Variants in MAGI1 observed in about 807,000 individuals in gnomAD.
The protein encoded by MAGI1 is membrane associated guanylate kinase, WW and PDZ domain containing 1.
MAGI1 carries 58 observed loss-of-function variants against 139.9 expected under a neutral mutation model. That is an observed-to-expected ratio of 0.41 (90% CI 0.34 to 0.52). The LOEUF (loss-of-function observed/expected upper bound fraction) is 0.52. MAGI1 is among the 20% of genes least tolerant of loss of function. The pLI is 0.12. For missense variants in MAGI1, 1,874 were observed against 1,901.6 expected (o/e 0.99, Z 0.27); for synonymous variants, 812 against 737.9 (o/e 1.10, Z -1.63).
intron 1 of MAGI1, among the ~76,000 whole-genome samples, chr3:65,634,581 T>C (rs955044180): frequency 2.0e-5 from 3 of 152,200 alleles, no homozygotes; most frequent in African/African-American, 7.2e-5. Flanking sequence ...GGGATAATAA[T>C]AGTATCTGCT....
intron 4 of MAGI1, among the ~76,000 whole-genome samples, chr3:65,470,766 AAAG>A (rs1559584435): frequency 1.3e-5 from 2 of 152,298 alleles, no homozygotes; most frequent in East Asian, 3.9e-4. Flanking sequence ...TGGAAATGTC[AAAG>A]AAGAAACCAA....
chr3:65,740,556 C>T (rs2035174244), intron 1 of MAGI1, among the ~76,000 whole-genome samples: 1 of 152,186 alleles, frequency 6.6e-6, no homozygotes. Flanking sequence ...TGTAGGGCCA[C>T]ACATTATTTT....
chr3:65,721,692 T>C (rs976234173), intron 1 of MAGI1, among the ~76,000 whole-genome samples: 5 of 152,166 alleles, frequency 3.3e-5, no homozygotes, highest in African/African-American at 9.7e-5. Flanking sequence ...GAAAAACATA[T>C]TAATGTACTC....
chr3:65,514,079 T>C (rs1001278887), intron 2 of MAGI1, among the ~76,000 whole-genome samples: 6 of 146,188 alleles, frequency 4.1e-5, no homozygotes, highest in African/African-American at 1.5e-4. Context: ...ATTTAATAAA[T>C]GGTGCTGGGA....
In MAGI1 at chr3:65,463,549, T is replaced by C. The variant is rs567402724; in HGVS notation, c.959+6734A>G. ...TCACATCGATGTTCATCAGGGATAT[T>C]GGCCTGAAATGTGTGTGTGTGTGTG... On this transcript the variant is annotated intron_variant, in intron 5 of 22. Transcript: ENST00000402939. Among the ~76,000 whole-genome samples the C allele has an allele frequency of 7.0e-5, 10 of 142,036 alleles. No homozygotes were observed. In the East Asian group the frequency reaches 1.9e-3, roughly 28 times the overall value. The allele number at this position is 142,036 out of a possible 152,430, so 93.2% of individuals were successfully genotyped here.
chr3:65,767,815 G>C (rs2037612722), intron 1 of MAGI1, among the ~76,000 whole-genome samples: 1 of 152,186 alleles, frequency 6.6e-6, no homozygotes, highest in Non-Finnish European at 1.5e-5. Context: ...TGGCATGAAA[G>C]GGAAATCACC....
intron 2 of MAGI1, among the ~76,000 whole-genome samples, chr3:65,535,710 G>A (rs1019840181): frequency 1.3e-5 from 2 of 152,060 alleles, no homozygotes; most frequent in African/African-American, 4.8e-5. Flanking sequence ...AACTACAAGG[G>A]GATGATTCAA....
At chr3:65,988,505 T>C (rs927359952) in intron 1 of MAGI1, among the ~76,000 whole-genome samples, 6 of 152,130 alleles carry the variant, frequency 3.9e-5, no homozygotes, top group African/African-American at 1.4e-4. Context: ...TCCAGGAATC[T>C]ACCTACAAAT....
At chr3:65,399,360 A>C (rs1221400799) in intron 13 of MAGI1, among the ~76,000 whole-genome samples, 1 of 152,222 alleles carries the variant, frequency 6.6e-6, no homozygotes, top group Admixed American at 6.5e-5. Flanking sequence ...GGAAAGGGAA[A>C]CCACTTTCAA....
intron 2 of MAGI1, among the ~76,000 whole-genome samples, chr3:65,593,036 T>C (rs1364154939): frequency 6.6e-6 from 1 of 152,136 alleles, no homozygotes; most frequent in African/African-American, 2.4e-5. Flanking sequence ...TAAGTTATTC[T>C]CAATATAAGG....
chr3:65,512,969 G>T (rs1395951989), intron 2 of MAGI1, among the ~76,000 whole-genome samples: 1 of 133,008 alleles, frequency 7.5e-6, no homozygotes, highest in African/African-American at 2.8e-5. Flanking sequence ...TGATCAAGTG[G>T]GCTTCATCCC....
chr3:65,656,380 G>C (rs2107347861), intron 1 of MAGI1, among the ~76,000 whole-genome samples: 1 of 152,288 alleles, frequency 6.6e-6, no homozygotes, highest in East Asian at 1.9e-4. Flanking sequence ...ATGAGGTGAA[G>C]TCTGGTGTCC....
chr3:65,696,248 A>G (rs2089176523), intron 1 of MAGI1, among the ~76,000 whole-genome samples: 1 of 152,158 alleles, frequency 6.6e-6, no homozygotes, highest in African/African-American at 2.4e-5. Flanking sequence ...CACCCTATGT[A>G]AAGAAACCCT....
chr3:65,719,017 C>CA (rs57290579), intron 1 of MAGI1, among the ~76,000 whole-genome samples: 3,553 of 96,272 alleles, frequency 0.037, 83 homozygotes, highest in African/African-American at 0.072. Flanking sequence ...ATAACCCTAC[C>CA]AAAAAAAAAA....
At chr3:65,423,684 T>G (rs766408197) in intron 12 of MAGI1, among the ~76,000 whole-genome samples, 1 of 152,200 alleles carries the variant, frequency 6.6e-6, no homozygotes, top group Non-Finnish European at 1.5e-5. Flanking sequence ...GTTCCAATCC[T>G]AGCTTTGCCA....
At position 65,430,141 on chromosome 3, in the gene MAGI1, C is replaced by A. The variant is rs774226235; in HGVS notation, c.1547-1G>T. On this transcript the variant is annotated splice_acceptor_variant, in intron 11 of 22. Transcript: ENST00000402939. LOFTEE classifies it high-confidence loss of function. ...TCATTCACACTTACAATCACATCCCCTGTAGAAGGCAAGAGTGTGGGGGTT... is the reference window on the plus strand; with the variant it reads ...TCATTCACACTTACAATCACATCCCATGTAGAAGGCAAGAGTGTGGGGGTT... 6.2e-7 allele frequency: 1 copy of A among 1,610,550 alleles called. No individual in the cohort carries two copies. Among genetic ancestry groups the A allele is most frequent in the South Asian group, 1.1e-5 (1 of 91,036 alleles).
At chr3:65,555,469 G>T (rs1307797048) in intron 2 of MAGI1, among the ~76,000 whole-genome samples, 1 of 152,150 alleles carries the variant, frequency 6.6e-6, no homozygotes, top group African/African-American at 2.4e-5. Context: ...GGGGAGGTGA[G>T]CTCCTATGTC....
intron 2 of MAGI1, among the ~76,000 whole-genome samples, chr3:65,608,946 G>T (rs138768696): frequency 0.014 from 2,092 of 152,260 alleles, 15 homozygotes; most frequent in Non-Finnish European, 0.023. Context: ...AAACTACATG[G>T]ATGAATCTCA....
intron 12 of MAGI1, among the ~76,000 whole-genome samples, chr3:65,408,473 T>C (rs186413252): frequency 7.9e-5 from 12 of 152,188 alleles, no homozygotes; most frequent in East Asian, 5.8e-4. Flanking sequence ...GTCAAAACAG[T>C]AAGAGATTAT....
Sources: gnomAD v4.1 joint callset for allele counts (sites outside exome capture counted in the v4.1 genomes callset) on GRCh38, gnomAD v4.1.1 for gene constraint, MANE v1.5 for transcripts, NCBI Gene and HGNC (gene_info 2026-07-23, HGNC 2026-07-21) for gene names.